The following PCDH7 variants were observed in gnomAD, a reference collection of about 807,000 sequenced individuals.
PCDH7 encodes protocadherin-7.
Under a neutral mutation model 58.9 loss-of-function variants are expected in PCDH7, and 17 were observed. The ratio of observed to expected loss-of-function variants is 0.29; its 90% CI spans 0.20 to 0.43. The LOEUF is 0.43. Among genes scored for constraint, PCDH7 ranks in the 20% least tolerant of loss-of-function variants. PCDH7 has a pLI of 1.00. For missense variants in PCDH7, 1,274 were observed against 1,441.0 expected, an observed-to-expected ratio of 0.88 and a Z score of 1.88; for synonymous variants, 664 against 616.4, an observed-to-expected ratio of 1.08 and a Z score of -1.14.
intron 2 of PCDH7, among the ~76,000 whole-genome samples, chr4:30,948,216 T>C (rs1349812174): frequency 6.6e-6 from 1 of 151,496 alleles, no homozygotes; most frequent in African/African-American, 2.4e-5. Context: ...TATCCCATAA[T>C]AATCTACCCT....
At chr4:30,843,723 C>A (rs1731536611) in intron 1 of PCDH7, among the ~76,000 whole-genome samples, 1 of 151,986 alleles carries the variant, frequency 6.6e-6, no homozygotes, top group African/African-American at 2.4e-5. Context: ...TACATTTGGG[C>A]TGAGATTGCA....
At chr4:30,752,467 C>T (rs2109259665) in intron 1 of PCDH7, among the ~76,000 whole-genome samples, 1 of 152,254 alleles carries the variant, frequency 6.6e-6, no homozygotes, top group South Asian at 2.1e-4. Context: ...CTGGTGTCTC[C>T]TCTTTTTATC....
At chr4:30,814,750 G>A (rs1727456310) in intron 1 of PCDH7, among the ~76,000 whole-genome samples, 1 of 151,880 alleles carries the variant, frequency 6.6e-6, no homozygotes, top group Non-Finnish European at 1.5e-5. Flanking sequence ...TTTATATGAT[G>A]GATTAATTAA....
Position 31,047,348 on chromosome 4 carries a change from C to T in PCDH7, c.*8-95125C>T, listed in dbSNP as rs1170401031. Among the ~76,000 whole-genome samples the T allele has an allele frequency of 5.3e-5, 8 of 152,126 alleles. No homozygotes were observed. The East Asian group carries it at 5.8e-4, about 11-fold the overall frequency. ...AATTTGTAAGCTCCTAAGTGCAAATCGGTGGTCTCAAAACTTGGTCATCAT... is the reference window on the plus strand; with the variant it reads ...AATTTGTAAGCTCCTAAGTGCAAATTGGTGGTCTCAAAACTTGGTCATCAT... On this transcript the variant is annotated intron_variant, in intron 3 of 3. Coordinates refer to the PCDH7 transcript ENST00000509759.
At chr4:30,781,218 CTTT>C (rs528737377) in intron 1 of PCDH7, among the ~76,000 whole-genome samples, 6 of 140,500 alleles carry the variant, frequency 4.3e-5, no homozygotes, top group African/African-American at 7.8e-5. Flanking sequence ...AGGCGTTCTT[CTTT>C]TTTTTTTTTT....
intron 3 of PCDH7, among the ~76,000 whole-genome samples, chr4:31,094,311 T>G (rs1713658163): frequency 6.6e-6 from 1 of 152,140 alleles, no homozygotes; most frequent in Admixed American, 6.6e-5. Context: ...GACGTCCTAG[T>G]AGAAAGCTGA....
intron 2 of PCDH7, among the ~76,000 whole-genome samples, chr4:30,927,245 A>AGAT (rs1743983745): frequency 2.0e-5 from 3 of 152,290 alleles, no homozygotes; most frequent in Admixed American, 2.0e-4. Flanking sequence ...TTTTGCTTAT[A>AGAT]GATTACATAT....
intron 3 of PCDH7, among the ~76,000 whole-genome samples, chr4:31,135,466 A>G (rs1180422761): frequency 6.6e-6 from 1 of 152,210 alleles, no homozygotes; most frequent in African/African-American, 2.4e-5. Context: ...TGGCCAGCGT[A>G]TGTCTCTAGA....
intron 3 of PCDH7, among the ~76,000 whole-genome samples, chr4:31,079,967 A>T (rs998652930): frequency 3.9e-5 from 6 of 152,206 alleles, no homozygotes; most frequent in Non-Finnish European, 8.8e-5. Flanking sequence ...CAGGGATAAG[A>T]GTAAACACTC....
downstream of PCDH7, chr4:31,145,811 C>A (rs1171597898): frequency 9.9e-5 from 15 of 151,986 alleles, no homozygotes; most frequent in African/African-American, 3.6e-4. Flanking sequence ...TGAAATCAGT[C>A]CATTTGGCAA....
intron 3 of PCDH7, among the ~76,000 whole-genome samples, chr4:31,074,691 G>A (rs995073757): frequency 3.5e-5 from 5 of 143,548 alleles, no homozygotes; most frequent in African/African-American, 1.0e-4. Flanking sequence ...GGCTAAGGCA[G>A]TAGAATTGCT....
chr4:30,945,251 A>G (rs934994671), intron 2 of PCDH7, among the ~76,000 whole-genome samples: 1 of 152,086 alleles, frequency 6.6e-6, no homozygotes, highest in Non-Finnish European at 1.5e-5. Flanking sequence ...AACTTTTCAT[A>G]TATGTGTGTG....
intron 3 of PCDH7, among the ~76,000 whole-genome samples, chr4:31,084,446 T>C (rs1273728224): frequency 3.3e-5 from 5 of 151,892 alleles, no homozygotes; most frequent in Non-Finnish European, 5.9e-5. Context: ...TGTAGTGTGT[T>C]AGTCTGTTCT....
chr4:30,972,940 T>C (rs1425641543), intron 3 of PCDH7, among the ~76,000 whole-genome samples: 1 of 152,226 alleles, frequency 6.6e-6, no homozygotes, highest in Non-Finnish European at 1.5e-5. Flanking sequence ...TCCATTCTTA[T>C]GACTGTTTCT....
chr4:30,908,124 A>C (rs940067545), intron 1 of PCDH7, among the ~76,000 whole-genome samples: 6 of 152,172 alleles, frequency 3.9e-5, no homozygotes, highest in Admixed American at 3.3e-4. Context: ...GGGGAGGGAT[A>C]GCATTAGGAG....
At chr4:30,878,453 A>G (rs1417966517) in intron 1 of PCDH7, among the ~76,000 whole-genome samples, 1 of 152,104 alleles carries the variant, frequency 6.6e-6, no homozygotes, top group Admixed American at 6.6e-5. Context: ...TAGAATGAAG[A>G]TTGAGGACAG....
chr4:31,021,847 C>A (rs1241946158), intron 3 of PCDH7, among the ~76,000 whole-genome samples: 2 of 151,836 alleles, frequency 1.3e-5, no homozygotes, highest in Non-Finnish European at 2.9e-5. Flanking sequence ...GTTGCTATGA[C>A]AGAAGAAAAT....
intron 1 of PCDH7, among the ~76,000 whole-genome samples, chr4:30,845,364 T>C (rs182916520): frequency 1.4e-3 from 217 of 152,256 alleles, no homozygotes; most frequent in African/African-American, 4.9e-3. Flanking sequence ...CTTGGAAAAT[T>C]TGTAGGAAAT....
chr4:31,111,210 G>C (rs893311740), intron 3 of PCDH7, among the ~76,000 whole-genome samples: 6 of 147,498 alleles, frequency 4.1e-5, no homozygotes, highest in Non-Finnish European at 5.9e-5. Context: ...GTAGCCCAAA[G>C]TGTATTTTGT....
Sources: gnomAD v4.1 joint callset for allele counts (sites outside exome capture counted in the v4.1 genomes callset) on GRCh38, gnomAD v4.1.1 for gene constraint, MANE v1.5 for transcripts, NCBI Gene and HGNC (gene_info 2026-07-23, HGNC 2026-07-21) for gene names.